NEDD4L: variants seen among roughly 807,000 people sequenced by gnomAD.
The protein encoded by NEDD4L is E3 ubiquitin-protein ligase NEDD4-like.
Under a neutral mutation model 148.9 loss-of-function variants are expected in NEDD4L, and 54 were observed. The ratio of observed to expected loss-of-function variants is 0.36; its 90% CI spans 0.29 to 0.45. The LOEUF (loss-of-function observed/expected upper bound fraction) is 0.45. Among genes scored for constraint, NEDD4L ranks in the 20% least tolerant of loss-of-function variants. The pLI is 1.00. For missense variants in NEDD4L, 856 were observed against 1,233.8 expected (o/e 0.69, Z 4.59); for synonymous variants, 433 against 440.7 (o/e 0.98, Z 0.22).
At chr18:58,302,875 T>A (rs2056656634) in intron 5 of NEDD4L, among the ~76,000 whole-genome samples, 1 of 152,230 alleles carries the variant, frequency 6.6e-6, no homozygotes. Flanking sequence ...ACCTGTGACT[T>A]TGAACACATG....
At chr18:58,254,275 T>A (rs1019353724) in intron 5 of NEDD4L, among the ~76,000 whole-genome samples, 3 of 152,206 alleles carry the variant, frequency 2.0e-5, no homozygotes, top group Admixed American at 6.5e-5. Context: ...CTCCTATTTT[T>A]TTTACCTCCT....
intron 9 of NEDD4L, among the ~76,000 whole-genome samples, chr18:58,327,025 G>T (rs1024087635): frequency 6.6e-6 from 1 of 152,166 alleles, no homozygotes; most frequent in African/African-American, 2.4e-5. Flanking sequence ...ACCATCTTTG[G>T]TGGCAGTGTC....
intron 1 of NEDD4L, among the ~76,000 whole-genome samples, chr18:58,103,903 A>G (rs767814800): frequency 3.9e-5 from 6 of 152,246 alleles, no homozygotes; most frequent in Non-Finnish European, 8.8e-5. Context: ...GACCTTGGCA[A>G]AACAAACAAA....
Position 58,391,520 on chromosome 18 carries a change from A to G in NEDD4L, c.2786A>G (p.Gln929Arg), listed in dbSNP as rs531389307. ...GGTCCTCAGCTGTTTACAATAGAGCAATGGGGCAGTCCTGAGAAACTGCCC... is the reference window on the plus strand; with the variant it reads ...GGTCCTCAGCTGTTTACAATAGAGCGATGGGGCAGTCCTGAGAAACTGCCC... ...SNGPQLFTIE[Q>R]WGSPEKLPRA... Residue 929 changes from glutamine (Q) to arginine (R), a missense_variant, in exon 30 of 31, where the codon CAA (glutamine) becomes CGA (arginine). Transcript: ENST00000400345. The G allele has an allele frequency of 3.2e-6, 5 of 1,583,830 alleles. No individual in the cohort carries two copies. Among genetic ancestry groups the G allele is most frequent in the East Asian group, 4.6e-5 (2 of 43,762 alleles).
chr18:58,207,276 G>T (rs2042071054), intron 2 of NEDD4L, among the ~76,000 whole-genome samples: 1 of 151,878 alleles, frequency 6.6e-6, no homozygotes, highest in African/African-American at 2.4e-5. Context: ...GCTGTGTGGG[G>T]ATCAGGAAGA....
chr18:58,110,485 G>C lies in NEDD4L; in HGVS notation c.49-55303G>C, dbSNP rs1311286837. 4.6e-5 allele frequency among the ~76,000 whole-genome samples: 7 copies of C among 152,206 alleles called. No homozygotes were observed. The East Asian group carries it at 1.3e-3, about 29-fold the overall frequency. On this transcript the variant is annotated intron_variant, in intron 1 of 30. Transcript: ENST00000400345. ...ATTAGGCAGTGAGCTGATGAGATTC[G>C]TGTGGCTCTTGAGCTAAGCTTTTGA...
chr18:58,280,475 C>T (rs564097001), intron 5 of NEDD4L, among the ~76,000 whole-genome samples: 1 of 152,096 alleles, frequency 6.6e-6, no homozygotes, highest in African/African-American at 2.4e-5. Context: ...AGGAGCAGAC[C>T]GGGCGAGGCT....
chr18:58,348,489 C>T (rs1024818011), intron 16 of NEDD4L, among the ~76,000 whole-genome samples: 5 of 151,542 alleles, frequency 3.3e-5, no homozygotes, highest in African/African-American at 7.3e-5. Flanking sequence ...ACACCACACC[C>T]GGGAAATTTT....
At position 58,349,539 on chromosome 18, in the gene NEDD4L, A is replaced by T. The variant is rs757228161; in HGVS notation, c.1578A>T (p.Glu526Asp). ...IDHNTKTTTW[E>D]DPRLKFPVHM... ...TGTCTTTTACATTTTTCTTGCAGGA[A>T]GATCCACGTTTGAAATTTCCAGTAC... Residue 526 changes from glutamate to aspartate, a missense_variant and splice_region_variant, in exon 17 of 31, where the codon GAA (glutamate) becomes GAT (aspartate). Physicochemically the swap from Glu to Asp is conservative, Grantham distance 45. Coordinates refer to ENST00000400345, the MANE Select transcript of NEDD4L (RefSeq NM_001144967.3). 8 of 1,613,426 alleles carry T rather than the reference A, an allele frequency of 5.0e-6. No homozygotes were observed. The highest frequency in any genetic ancestry group is 1.7e-5 in the Admixed American group (1 of 60,002).
At chr18:58,110,425 T>C (rs543020131) in intron 1 of NEDD4L, among the ~76,000 whole-genome samples, 4 of 152,234 alleles carry the variant, frequency 2.6e-5, no homozygotes, top group Non-Finnish European at 5.9e-5. Flanking sequence ...CCCTGCTCCA[T>C]TGAGCCCAGG....
chr18:58,395,164 A>G (rs1038311702), intron 30 of NEDD4L, among the ~76,000 whole-genome samples: 6 of 152,324 alleles, frequency 3.9e-5, no homozygotes, highest in Admixed American at 2.6e-4. Flanking sequence ...ATGAGCTCTT[A>G]CGTCATAATG....
At position 58,389,017 on chromosome 18, in the gene NEDD4L, T is replaced by A. The variant is rs1348352850; in HGVS notation, c.2548-68T>A. On this transcript the variant is annotated intron_variant, in intron 27 of 30. Coordinates refer to ENST00000400345, the MANE Select transcript of NEDD4L (RefSeq NM_001144967.3). ...GACCACATGCTGGCACTGAGGGTGG[T>A]CATTTCTCAGTGTGTGATCTCGCAC... 24 of 1,272,030 alleles carry A rather than the reference T, an allele frequency of 1.9e-5. No individual in the cohort carries two copies. In the South Asian group the frequency reaches 3.0e-4, roughly 16 times the overall value. 78.8% of individuals were successfully genotyped at this position (1,272,030 alleles called of 1,614,324 possible).
At chr18:58,220,674 T>G (rs1428850781) in intron 2 of NEDD4L, among the ~76,000 whole-genome samples, 1 of 152,188 alleles carries the variant, frequency 6.6e-6, no homozygotes, top group Non-Finnish European at 1.5e-5. Context: ...ATATAGAAAG[T>G]TAGCTGTTTG....
intron 9 of NEDD4L, among the ~76,000 whole-genome samples, chr18:58,327,171 C>A (rs1459616598): frequency 6.6e-6 from 1 of 152,188 alleles, no homozygotes; most frequent in Non-Finnish European, 1.5e-5. Context: ...CATCTCGGCT[C>A]ACTGCAACCT....
chr18:58,119,634 A>C (rs1473903445), intron 1 of NEDD4L, among the ~76,000 whole-genome samples: 1 of 152,224 alleles, frequency 6.6e-6, no homozygotes, highest in Non-Finnish European at 1.5e-5. Flanking sequence ...AAGTGGATTC[A>C]GCCAGCTGGG....
intron 19 of NEDD4L, among the ~76,000 whole-genome samples, chr18:58,363,686 G>C (rs2146013652): frequency 6.6e-6 from 1 of 152,290 alleles, no homozygotes; most frequent in African/African-American, 2.4e-5. Context: ...GAGATTTAAA[G>C]AAATCCTTGC....
chr18:58,080,677 C>T (rs771458684), intron 1 of NEDD4L, among the ~76,000 whole-genome samples: 5 of 152,174 alleles, frequency 3.3e-5, no homozygotes, highest in African/African-American at 4.8e-5. Context: ...CACTTGACTG[C>T]TCTAAATAAG....
At chr18:58,363,672 A>G (rs1305262262) in intron 19 of NEDD4L, among the ~76,000 whole-genome samples, 11 of 152,220 alleles carry the variant, frequency 7.2e-5, no homozygotes, top group African/African-American at 1.9e-4. Context: ...TAGATAAAGC[A>G]TTTGAGATTT....
intron 1 of NEDD4L, among the ~76,000 whole-genome samples, chr18:58,060,745 G>A (rs1256414554): frequency 6.6e-6 from 1 of 152,074 alleles, no homozygotes; most frequent in Non-Finnish European, 1.5e-5. Context: ...TCCCCTAGGG[G>A]ACATTTGGCA....
Sources: gnomAD v4.1 joint callset for allele counts (sites outside exome capture counted in the v4.1 genomes callset) on GRCh38, gnomAD v4.1.1 for gene constraint, MANE v1.5 for transcripts, NCBI Gene and HGNC (gene_info 2026-07-23, HGNC 2026-07-21) for gene names.